CACNA2D3: variants seen among roughly 807,000 people sequenced by gnomAD.
The protein encoded by CACNA2D3 is voltage-dependent calcium channel subunit alpha-2/delta-3.
In CACNA2D3, 60 loss-of-function variants were observed where a neutral mutation model predicts 160.6. The observed-to-expected ratio is 0.37, with a 90% CI of 0.30 to 0.46. CACNA2D3 has a LOEUF of 0.46. CACNA2D3 is among the 20% of genes least tolerant of loss of function. The probability of loss-of-function intolerance (pLI) is 1.00; values close to 1 mark genes in which losing one functional copy is unlikely to be tolerated. For synonymous variants in CACNA2D3, 558 were observed against 492.9 expected (o/e 1.13, Z -1.75); for missense variants, 1,205 against 1,365.0 (o/e 0.88, Z 1.85).
At chr3:54,811,526 C>G (rs1433927895) in intron 13 of CACNA2D3, among the ~76,000 whole-genome samples, 2 of 128,910 alleles carry the variant, frequency 1.6e-5, no homozygotes, top group African/African-American at 2.9e-5. Flanking sequence ...GAGACAGCAT[C>G]TCACTCTGTC....
intron 35 of CACNA2D3, among the ~76,000 whole-genome samples, chr3:55,044,165 G>C (rs1164340371): frequency 6.6e-6 from 1 of 152,132 alleles, no homozygotes; most frequent in African/African-American, 2.4e-5. Context: ...GATTTTGTTT[G>C]AAACTGGGTT....
intron 35 of CACNA2D3, among the ~76,000 whole-genome samples, chr3:55,033,763 A>ATATAATATATATTATGTTAAATATATT (rs1559469447): frequency 5.1e-5 from 3 of 58,300 alleles, no homozygotes; most frequent in South Asian, 4.8e-4. Flanking sequence ...TTAAATATAT[A>ATATAATATATATTATGTTAAATATATT]TTATATAATA....
At chr3:54,250,264 G>A (rs370617797) in intron 2 of CACNA2D3, among the ~76,000 whole-genome samples, 16 of 152,148 alleles carry the variant, frequency 1.1e-4, no homozygotes, top group African/African-American at 1.9e-4. Context: ...ATTATCTACC[G>A]GACAGTTGAT....
At chr3:54,999,326 G>A (rs751582128) in intron 31 of CACNA2D3, among the ~76,000 whole-genome samples, 11 of 152,120 alleles carry the variant, frequency 7.2e-5, no homozygotes, top group Non-Finnish European at 1.0e-4. Flanking sequence ...TTCCCATGGC[G>A]ACGGTCTCTT....
chr3:55,021,647 G>GTATATATA (rs55811346), intron 35 of CACNA2D3, among the ~76,000 whole-genome samples: 3 of 140,964 alleles, frequency 2.1e-5, no homozygotes, highest in South Asian at 2.2e-4. Context: ...ATATATATGT[G>GTATATATA]TATATATATA....
At chr3:54,700,304 A>T (rs1012950973) in intron 11 of CACNA2D3, among the ~76,000 whole-genome samples, 5 of 152,136 alleles carry the variant, frequency 3.3e-5, no homozygotes, top group African/African-American at 1.2e-4. Context: ...TTGTTTATTT[A>T]TGCTCTCCTG....
chr3:54,767,485 C>T (rs987399995), intron 13 of CACNA2D3, among the ~76,000 whole-genome samples: 1 of 152,044 alleles, frequency 6.6e-6, no homozygotes, highest in Non-Finnish European at 1.5e-5. Flanking sequence ...GGGGATCTGC[C>T]TATGGGATTA....
intron 9 of CACNA2D3, among the ~76,000 whole-genome samples, chr3:54,609,964 G>T (rs1193569768): frequency 6.6e-6 from 1 of 152,158 alleles, no homozygotes; most frequent in Admixed American, 6.5e-5. Flanking sequence ...GTATTGGCAG[G>T]TCATGCTTCC....
chr3:54,594,710 A>G (rs1416545877), intron 9 of CACNA2D3, among the ~76,000 whole-genome samples: 2 of 152,248 alleles, frequency 1.3e-5, no homozygotes, highest in Non-Finnish European at 1.5e-5. Flanking sequence ...AAGAAATAAT[A>G]TCAATAATAA....
At chr3:54,793,447 G>A (rs1447547129) in intron 13 of CACNA2D3, among the ~76,000 whole-genome samples, 1 of 152,220 alleles carries the variant, frequency 6.6e-6, no homozygotes, top group Non-Finnish European at 1.5e-5. Flanking sequence ...GTAGGCAATG[G>A]GGATATATCT....
At chr3:54,393,284 T>G (rs1346456260) in intron 4 of CACNA2D3, among the ~76,000 whole-genome samples, 4 of 152,214 alleles carry the variant, frequency 2.6e-5, no homozygotes, top group Non-Finnish European at 4.4e-5. Context: ...TCAGGTCAGC[T>G]GAGGGAGCTG....
At chr3:54,905,927 T>C (rs903693921) in intron 27 of CACNA2D3, among the ~76,000 whole-genome samples, 2 of 152,142 alleles carry the variant, frequency 1.3e-5, no homozygotes, top group African/African-American at 4.8e-5. Context: ...TCAATAAATA[T>C]ATATATTGCA....
At chr3:54,551,227 G>T (rs1426632246) in intron 5 of CACNA2D3, among the ~76,000 whole-genome samples, 2 of 152,128 alleles carry the variant, frequency 1.3e-5, no homozygotes, top group Non-Finnish European at 2.9e-5. Flanking sequence ...CCATGCCTCT[G>T]CGTTCTGCAG....
intron 35 of CACNA2D3, among the ~76,000 whole-genome samples, chr3:55,052,456 GTATA>G (rs3061749): frequency 3.3e-5 from 5 of 149,722 alleles, no homozygotes; most frequent in Admixed American, 6.6e-5. Flanking sequence ...ACCTGTGTGT[GTATA>G]TATATATATA....
chr3:54,657,242 T>A (rs1375535671), intron 11 of CACNA2D3, among the ~76,000 whole-genome samples: 1 of 152,114 alleles, frequency 6.6e-6, no homozygotes, highest in African/African-American at 2.4e-5. Context: ...GGTCTGGATG[T>A]GTACGTGCAG....
intron 13 of CACNA2D3, among the ~76,000 whole-genome samples, chr3:54,809,352 C>G (rs1453052828): frequency 9.9e-6 from 1 of 100,658 alleles, no homozygotes; most frequent in Non-Finnish European, 2.0e-5. Context: ...CGCTCTGTCG[C>G]CCAGGTCGGA....
intron 12 of CACNA2D3, among the ~76,000 whole-genome samples, chr3:54,763,767 ATGTATATATG>A (rs1559573630): frequency 0.015 from 258 of 17,046 alleles, 20 homozygotes; most frequent in East Asian, 0.11. Context: ...ACACATATAT[ATGTATATATG>A]TACATATATA....
chr3:55,032,233 A>G (rs1016092551), intron 35 of CACNA2D3, among the ~76,000 whole-genome samples: 1 of 152,196 alleles, frequency 6.6e-6, no homozygotes, highest in African/African-American at 2.4e-5. Flanking sequence ...CTGAAAGCTG[A>G]CAGAGAATTC....
intron 2 of CACNA2D3, among the ~76,000 whole-genome samples, chr3:54,214,085 G>C (rs1487572775): frequency 6.6e-6 from 1 of 152,186 alleles, no homozygotes; most frequent in East Asian, 1.9e-4. Context: ...TTGTTGGCAT[G>C]GGGCCTTCAG....
Sources: allele counts gnomAD v4.1 joint callset (sites outside exome capture counted in the v4.1 genomes callset), GRCh38; gene constraint gnomAD v4.1.1; transcripts MANE v1.5; gene names NCBI Gene and HGNC (gene_info 2026-07-23, HGNC 2026-07-21).